Variants in MMP26 observed in about 807,000 individuals in gnomAD.
MMP26 encodes the protein matrix metalloproteinase-26.
A neutral mutation model predicts 31.0 loss-of-function variants in MMP26; 33 were observed. The ratio of observed to expected loss-of-function variants is 1.06; its 90% confidence interval spans 0.81 to 1.42. The LOEUF is 1.42. Among genes scored for constraint, MMP26 ranks in the 40% most tolerant of loss-of-function variants. The pLI, the probability that MMP26 is intolerant of heterozygous loss-of-function variation, is 0.00. For missense variants in MMP26, 347 were observed against 316.1 expected, an observed-to-expected ratio of 1.10 and a Z score of -0.74; for synonymous variants, 122 against 114.9, an observed-to-expected ratio of 1.06 and a Z score of -0.40.
At chr11:4,748,204 G>T (rs908061301) in intron 1 of MMP26, among the ~76,000 whole-genome samples, 6 of 151,974 alleles carry the variant, frequency 3.9e-5, no homozygotes, top group African/African-American at 1.4e-4. Flanking sequence ...TCAAGGAAAT[G>T]AATACATTCC....
intron 1 of MMP26, among the ~76,000 whole-genome samples, chr11:4,735,329 T>C (rs746137792): frequency 6.6e-6 from 1 of 152,250 alleles, no homozygotes; most frequent in Non-Finnish European, 1.5e-5. Context: ...TGTGTGTGTG[T>C]ATATATCTAT....
chr11:4,725,077 G>A (rs1246162455), intron 1 of MMP26, among the ~76,000 whole-genome samples: 2 of 152,078 alleles, frequency 1.3e-5, no homozygotes, highest in African/African-American at 4.8e-5. Context: ...GGAGTGTATG[G>A]CACCTCCCCC....
At chr11:4,872,846 A>G (rs546611734) in intron 2 of MMP26, among the ~76,000 whole-genome samples, 2 of 151,720 alleles carry the variant, frequency 1.3e-5, no homozygotes, top group African/African-American at 2.4e-5. Flanking sequence ...TTTAGGGTCA[A>G]CTCTTTCCAT....
chr11:4,821,366 T>C lies in MMP26; in HGVS notation c.-145+54025T>C, dbSNP rs191262529. On this transcript the variant is annotated intron_variant, in intron 2 of 7. Coordinates refer to ENST00000380390, the MANE Select transcript of MMP26 (RefSeq NM_021801.5). ...GAGAGATGTTACAAGTGATAAACTA[T>C]GTATTATGTGTTATGTTAAATGACT... is the stretch of plus-strand genomic sequence containing the variant. 132 of 1,579,916 alleles carry C rather than the reference T, an allele frequency of 8.4e-5. 1 individual carries two copies. The African/African-American group carries it at 1.5e-3, about 18-fold the overall frequency.
At chr11:4,923,326 CAG>C in intron 2 of MMP26, 1 of 1,512,080 alleles carries the variant, frequency 6.6e-7, no homozygotes, top group Non-Finnish European at 8.8e-7. Flanking sequence ...TGAAAACAAA[CAG>C]AAACCTGTGG....
intron 2 of MMP26, among the ~76,000 whole-genome samples, chr11:4,791,037 G>A (rs17228218): frequency 0.095 from 14,384 of 152,130 alleles, 851 homozygotes; most frequent in Middle Eastern, 0.15. Flanking sequence ...CCTGCTTGTT[G>A]TATCGGTTAT....
At chr11:4,832,893 C>CCCA (rs1485108823) in intron 2 of MMP26, 1 of 196,796 alleles carries the variant, frequency 5.1e-6, no homozygotes. Context: ...CTTCTATGTG[C>CCCA]CCATCATCAC....
In MMP26 at chr11:4,863,952, A is replaced by G. The variant is rs148146779; in HGVS notation, c.-145+96611A>G. 9.8e-3 allele frequency among the ~76,000 whole-genome samples: 1,499 copies of G among 152,302 alleles called. 32 individuals carry two copies. Among genetic ancestry groups the G allele is most frequent in the African/African-American group, 0.032 (1,348 of 41,562 alleles). ...AACTCACATACGTGCACACAAATGC[A>G]TGTGTATGCACGCACACACACTAAT... is the stretch of plus-strand genomic sequence containing the variant. On this transcript the variant is annotated intron_variant, in intron 2 of 7. Transcript: ENST00000380390.
chr11:4,805,323 A>G (rs898202958), intron 2 of MMP26, among the ~76,000 whole-genome samples: 58 of 152,300 alleles, frequency 3.8e-4, no homozygotes, highest in African/African-American at 1.2e-3. Flanking sequence ...TCTCCTAGAC[A>G]AGAAGTTAGC....
intron 2 of MMP26, among the ~76,000 whole-genome samples, chr11:4,984,679 C>T (rs1005420907): frequency 6.6e-6 from 1 of 152,050 alleles, no homozygotes; most frequent in African/African-American, 2.4e-5. Flanking sequence ...CTTTATATTT[C>T]ATTTTTTTCA....
intron 2 of MMP26, among the ~76,000 whole-genome samples, chr11:4,888,172 T>C (rs1202678370): frequency 6.6e-6 from 1 of 152,192 alleles, no homozygotes; most frequent in Non-Finnish European, 1.5e-5. Context: ...TTTCTAATAA[T>C]TCATAGCAGA....
rs11823873 is a variant in MMP26 at position 4,863,298 on chromosome 11, C to T, written c.-145+95957C>T. 5.4e-3 allele frequency among the ~76,000 whole-genome samples: 815 copies of T among 151,120 alleles called. 4 individuals carry two copies. Among genetic ancestry groups the T allele is most frequent in the African/African-American group, 0.019 (767 of 40,902 alleles). On this transcript the variant is annotated intron_variant, in intron 2 of 7. Transcript: ENST00000380390. ...TTTTAATCTTCTTTAATTTTCAGAC[C>T]CTTCCTTTCTCTATCTCCCAATGAA...
chr11:4,873,624 A>G, intron 2 of MMP26, among the ~76,000 whole-genome samples: 1 of 152,070 alleles, frequency 6.6e-6, no homozygotes, highest in East Asian at 1.9e-4. Flanking sequence ...AGATTTCATG[A>G]CAAATCTTTT....
chr11:4,871,020 A>G (rs1850303870), intron 2 of MMP26, among the ~76,000 whole-genome samples: 1 of 152,118 alleles, frequency 6.6e-6, no homozygotes. Flanking sequence ...AAAGAATAAT[A>G]AAGAGTATAA....
chr11:4,732,191 A>G (rs1258108362), intron 1 of MMP26, among the ~76,000 whole-genome samples: 1 of 152,130 alleles, frequency 6.6e-6, no homozygotes. Flanking sequence ...ATTCTCCTGT[A>G]CATATTTTGG....
chr11:4,908,447 AGTT>A, intron 2 of MMP26: 2 of 750,122 alleles, frequency 2.7e-6, no homozygotes. Context: ...TTTATAATAA[AGTT>A]GAGAATATAA....
intron 1 of MMP26, chr11:4,724,085 A>G (rs1268820351): frequency 1.7e-5 from 11 of 647,280 alleles, no homozygotes; most frequent in Non-Finnish European, 2.8e-5. Context: ...TGCAGGCACC[A>G]GGTCCACTCG....
At chr11:4,792,691 C>T (rs180872427) in intron 2 of MMP26, among the ~76,000 whole-genome samples, 1 of 152,064 alleles carries the variant, frequency 6.6e-6, no homozygotes. Flanking sequence ...AAAAGCAATC[C>T]TATTGTCTGG....
intron 2 of MMP26, among the ~76,000 whole-genome samples, chr11:4,987,570 C>G (rs892094024): frequency 6.6e-5 from 10 of 152,186 alleles, no homozygotes; most frequent in Admixed American, 6.5e-5. Context: ...AGGCGCCCAC[C>G]ACCACACCCG....
Sources: allele counts gnomAD v4.1 joint callset (sites outside exome capture counted in the v4.1 genomes callset), GRCh38; gene constraint gnomAD v4.1.1; transcripts MANE v1.5; gene names NCBI Gene and HGNC (gene_info 2026-07-23, HGNC 2026-07-21).